The following DGKH variants were observed in gnomAD, a reference collection of about 807,000 sequenced individuals.
DGKH encodes the protein diacylglycerol kinase eta.
A neutral mutation model predicts 159.3 loss-of-function variants in DGKH; 90 were observed. The observed-to-expected ratio is 0.57, with a 90% CI of 0.48 to 0.67. The LOEUF (loss-of-function observed/expected upper bound fraction) is 0.67, where lower values mean the gene tolerates loss of function less well. DGKH is among the 30% of genes least tolerant of loss of function. The pLI, the probability that DGKH is intolerant of heterozygous loss-of-function variation, is 0.00. For synonymous variants in DGKH, 536 were observed against 553.8 expected (o/e 0.97, Z 0.45); for missense variants, 1,181 against 1,506.1 (o/e 0.78, Z 3.57).
intron 24 of DGKH, among the ~76,000 whole-genome samples, chr13:42,212,307 A>G (rs2138210024): frequency 6.6e-6 from 1 of 152,314 alleles, no homozygotes; most frequent in East Asian, 1.9e-4. Flanking sequence ...AATTAGAATC[A>G]AGTCTTACAA....
Position 42,235,761 on chromosome 13 carries a change from A to T in DGKH, c.*6573A>T, listed in dbSNP as rs537432081. 3.9e-5 allele frequency: 6 copies of T among 152,296 alleles called. No homozygotes were observed. The South Asian group carries it at 1.0e-3, about 26-fold the overall frequency. 9.4% of individuals were successfully genotyped at this position (152,296 alleles called of 1,614,324 possible). On this transcript the variant is annotated 3_prime_UTR_variant, in exon 30 of 30. Coordinates refer to ENST00000337343, the MANE Select transcript of DGKH (RefSeq NM_178009.5). ...TATATTGAAGATGACTAGTAAATTC[A>T]AGTAATATATTTATCTACAGCTGGG...
chr13:42,215,529 C>A, intron 25 of DGKH, 46 bp from the exon 26 acceptor site: 2 of 1,367,228 alleles, frequency 1.5e-6, no homozygotes, highest in Non-Finnish European at 2.0e-6. Context: ...GTAATGAAAT[C>A]CTATTTTAAT....
chr13:42,190,164 A>G (rs1049363545), intron 15 of DGKH, among the ~76,000 whole-genome samples: 2 of 152,172 alleles, frequency 1.3e-5, no homozygotes, highest in Admixed American at 6.5e-5. Context: ...ATTGTATTTC[A>G]TTCTCTAAAA....
Position 42,221,334 on chromosome 13 carries a change from C to CT in DGKH, c.3515dup (p.Ile1173HisfsTer4). On this transcript the variant is annotated frameshift_variant, in exon 29 of 30. Coordinates refer to ENST00000337343, the MANE Select transcript of DGKH (RefSeq NM_178009.5). LOFTEE classifies it high-confidence loss of function. ...TCAATTTGGGAGAGTACAAAGATAT[C>CT]TTCATCCGTCATGACATCAGAGGGG... is the stretch of plus-strand genomic sequence containing the variant. 1 of 1,613,762 alleles carries CT rather than the reference C, an allele frequency of 6.2e-7. No homozygotes were observed. Among genetic ancestry groups the CT allele is most frequent in the African/African-American group, 1.3e-5 (1 of 75,004 alleles).
chr13:42,137,727 C>T (rs987689650), intron 3 of DGKH, among the ~76,000 whole-genome samples: 1 of 152,078 alleles, frequency 6.6e-6, no homozygotes, highest in Non-Finnish European at 1.5e-5. Flanking sequence ...TGGCACTGTA[C>T]TTTAAAGAGA....
At chr13:42,207,455 T>A (rs1044011694) in intron 21 of DGKH, among the ~76,000 whole-genome samples, 3 of 151,660 alleles carry the variant, frequency 2.0e-5, no homozygotes, top group Non-Finnish European at 4.4e-5. Flanking sequence ...CCTCCCAAAG[T>A]CCTAGGATTA....
rs117563419 is a variant in DGKH, at chr13:42,249,336, C to T, written n.4055-3073C>T. Among the ~76,000 whole-genome samples, 85 of 152,234 alleles carry T rather than the reference C, an allele frequency of 5.6e-4. 1 individual carries two copies. In the East Asian group the frequency reaches 0.011, roughly 20 times the overall value. On this transcript the variant is annotated intron_variant and non_coding_transcript_variant, in intron 29 of 30. Transcript: ENST00000498255. Reference sequence around the variant, plus strand: ...TGAGCCTGGGAGGATGGAGTGAGCCCGGCCCTCTTGGTTGCAGTGAGCCAA... The same window carrying T: ...TGAGCCTGGGAGGATGGAGTGAGCCTGGCCCTCTTGGTTGCAGTGAGCCAA...
intron 12 of DGKH, among the ~76,000 whole-genome samples, chr13:42,177,202 C>G (rs8001437): frequency 0.031 from 4,778 of 152,224 alleles, 257 homozygotes; most frequent in African/African-American, 0.11. Flanking sequence ...AGACCCCCAC[C>G]TCCTACCCCA....
chr13:42,219,653 T>C (rs368569848), intron 27 of DGKH, 33 bp from the exon 28 acceptor site: 40 of 1,586,042 alleles, frequency 2.5e-5, no homozygotes, highest in Middle Eastern at 3.4e-4. Flanking sequence ...TTTCATATCC[T>C]GAAAAAATTA....
In DGKH at chr13:42,189,734, T is replaced by G. The variant is rs1475822822; in HGVS notation, c.1912+425T>G. 2.6e-5 allele frequency among the ~76,000 whole-genome samples: 4 copies of G among 152,182 alleles called. No individual in the cohort carries two copies. In the East Asian group the frequency reaches 7.7e-4, roughly 29 times the overall value. On this transcript the variant is annotated intron_variant, in intron 15 of 29. Coordinates refer to ENST00000337343, the MANE Select transcript of DGKH (RefSeq NM_178009.5). ...CAAGCTGGAGTACAGTGGCGTGATC[T>G]CAGCTCACTGCAACGTCCACCTCCC...
chr13:42,084,581 A>G (rs929737633), intron 1 of DGKH, among the ~76,000 whole-genome samples: 1 of 152,132 alleles, frequency 6.6e-6, no homozygotes, highest in Non-Finnish European at 1.5e-5. Flanking sequence ...ATTACAATGT[A>G]TTGCGTATTT....
intron 21 of DGKH, among the ~76,000 whole-genome samples, chr13:42,206,975 T>TTTTCTTTCTTTCTTTCTTTCTTTCTTTC (rs748683859): frequency 1.6e-4 from 13 of 82,346 alleles, no homozygotes; most frequent in South Asian, 4.1e-4. Flanking sequence ...TACTTTTACT[T>TTTTCTTTCTTTCTTTCTTTCTTTCTTTC]TTTCTTTCTT....
chr13:42,057,357 A>C (rs981232359), intron 1 of DGKH, among the ~76,000 whole-genome samples: 4 of 152,184 alleles, frequency 2.6e-5, no homozygotes, highest in Non-Finnish European at 5.9e-5. Context: ...TCTCCATCTC[A>C]CTATTTTATG....
chr13:42,155,985 C>G (rs1012975699), intron 5 of DGKH, among the ~76,000 whole-genome samples, 186 bp downstream of exon 5: 2 of 151,432 alleles, frequency 1.3e-5, no homozygotes, highest in African/African-American at 2.4e-5. Flanking sequence ...GCATTTCACC[C>G]CCAAGAAACT....
At chr13:42,201,251 A>G (rs189342734) in intron 20 of DGKH, among the ~76,000 whole-genome samples, 1 of 152,138 alleles carries the variant, frequency 6.6e-6, no homozygotes, top group Non-Finnish European at 1.5e-5. Context: ...TCGGCCTTCC[A>G]AAGTGCTGGG....
chr13:42,253,233 A>T (rs1958632763), intron 30 of DGKH, among the ~76,000 whole-genome samples: 2 of 152,082 alleles, frequency 1.3e-5, no homozygotes, highest in South Asian at 4.1e-4. Context: ...ATCTTTGGGA[A>T]GTGATTAGGT....
chr13:42,142,570 A>G (rs1308802651), intron 3 of DGKH, among the ~76,000 whole-genome samples: 1 of 151,478 alleles, frequency 6.6e-6, no homozygotes, highest in East Asian at 1.9e-4. Flanking sequence ...CTTTTATTTC[A>G]TTGAGCAGTG....
At chr13:42,195,654 G>A (rs1230548350) in intron 17 of DGKH, 1 of 152,188 alleles carries the variant, frequency 6.6e-6, no homozygotes, top group Non-Finnish European at 1.5e-5. Context: ...CTTTCCTTTG[G>A]TGTTTTTTTA....
At chr13:42,187,249 C>A in intron 14 of DGKH, 101 bp downstream of exon 14, 1 of 929,326 alleles carries the variant, frequency 1.1e-6, no homozygotes, top group Non-Finnish European at 1.7e-6. Flanking sequence ...CCTGCCAAAA[C>A]ATCTTAAATC....
Sources: allele counts gnomAD v4.1 joint callset (sites outside exome capture counted in the v4.1 genomes callset), GRCh38; gene constraint gnomAD v4.1.1; transcripts MANE v1.5; gene names NCBI Gene and HGNC (gene_info 2026-07-23, HGNC 2026-07-21).